Variants in ZBTB20 observed in about 807,000 individuals in gnomAD.
ZBTB20 encodes the protein zinc finger and BTB domain-containing protein 20.
ZBTB20 carries 9 observed loss-of-function variants against 56.9 expected under a neutral mutation model. That is an observed-to-expected ratio of 0.16 (90% CI 0.10 to 0.28). The LOEUF is 0.28. ZBTB20 is among the 10% of genes least tolerant of loss of function. The pLI is 1.00. For synonymous variants in ZBTB20, 417 were observed against 420.7 expected, an observed-to-expected ratio of 0.99 and a Z score of 0.11; for missense variants, 655 against 1,003.0, an observed-to-expected ratio of 0.65 and a Z score of 4.69.
chr3:114,434,541 G>GGGGTGTGTGTGTGTGTGTGTGTGTGT (rs1553711977), intron 7 of ZBTB20, among the ~76,000 whole-genome samples: 2 of 85,736 alleles, frequency 2.3e-5, no homozygotes, highest in African/African-American at 6.6e-5. Flanking sequence ...CTGCAATTGG[G>GGGGTGTGTGTGTGTGTGTGTGTGTGT]GTGTGTGTGT....
In ZBTB20 at chr3:114,699,734, C is replaced by T. The variant is rs940722784; in HGVS notation, c.-342-6159G>A. ...TAATGTAATCGGATTCAGCAACTTC[C>T]TTCAATAAGCATTCTGGCAATATGT... is the stretch of plus-strand genomic sequence containing the variant. On this transcript the variant is annotated intron_variant, in intron 5 of 11. Transcript: ENST00000675478. Among the ~76,000 whole-genome samples the T allele has an allele frequency of 2.0e-5, 3 of 151,996 alleles. No individual in the cohort carries two copies. The East Asian group carries it at 5.8e-4, about 29-fold the overall frequency.
chr3:114,519,786 T>C (rs972836705), intron 6 of ZBTB20: 6 of 152,064 alleles, frequency 3.9e-5, no homozygotes, highest in African/African-American at 1.4e-4. Flanking sequence ...CACAGAGAAG[T>C]CCCAAACAAC....
rs899376615 is a variant in ZBTB20, at chr3:114,380,746, T to G, written c.11+31A>C. 3 of 1,491,992 alleles carry G rather than the reference T, an allele frequency of 2.0e-6. No homozygotes were observed. In the African/African-American group the frequency reaches 4.2e-5, roughly 21 times the overall value. The allele number at this position is 1,491,992 out of a possible 1,614,324, so 92.4% of individuals were successfully genotyped here. A position where few individuals can be genotyped will look rare whatever the true frequency, so the allele number is the denominator to read the frequency against. On this transcript the variant is annotated intron_variant, in intron 9 of 11. Transcript: ENST00000675478. ...TCTTCCCCCCTTAGGAGTTTTAACA[T>G]GGTCTGGAAAAATACTAGTGGAAGT...
Position 114,815,149 on chromosome 3 carries a change from A to G in ZBTB20, c.-416-13975T>C, listed in dbSNP as rs538317425. On this transcript the variant is annotated intron_variant, in intron 4 of 11. Transcript: ENST00000675478. The stretch of plus-strand genomic sequence containing the variant: ...ATAGAATGTTAACAAGTTCGGAGAC[A>G]TGGATTATTTGTACAATAAAATACT... Among the ~76,000 whole-genome samples the G allele has an allele frequency of 3.3e-5, 5 of 152,356 alleles. No individual in the cohort carries two copies. In the South Asian group the frequency reaches 1.0e-3, roughly 32 times the overall value.
At chr3:114,813,153 C>T (rs565411539) in intron 4 of ZBTB20, among the ~76,000 whole-genome samples, 404 of 152,356 alleles carry the variant, frequency 2.7e-3, no homozygotes, top group Non-Finnish European at 4.2e-3. Context: ...AAGTGGGAGC[C>T]CAGGCAGAGG....
At chr3:114,961,830 G>A (rs1444238961) in intron 3 of ZBTB20, among the ~76,000 whole-genome samples, 1 of 152,036 alleles carries the variant, frequency 6.6e-6, no homozygotes, top group Non-Finnish European at 1.5e-5. Flanking sequence ...CACTAATTCT[G>A]TATAAATATG....
intron 1 of ZBTB20, among the ~76,000 whole-genome samples, chr3:115,116,757 A>T (rs977583417): frequency 6.6e-6 from 1 of 152,096 alleles, no homozygotes; most frequent in African/African-American, 2.4e-5. Context: ...AGAGAGCAAG[A>T]GAAAGAGATT....
intron 10 of ZBTB20, among the ~76,000 whole-genome samples, chr3:114,374,800 C>T (rs560818629): frequency 9.2e-4 from 140 of 152,244 alleles, no homozygotes; most frequent in African/African-American, 3.2e-3. Flanking sequence ...TTTTGGCACA[C>T]CAAACAGAGA....
At chr3:115,064,909 A>G (rs1358962367) in intron 2 of ZBTB20, among the ~76,000 whole-genome samples, 1 of 152,108 alleles carries the variant, frequency 6.6e-6, no homozygotes, top group African/African-American at 2.4e-5. Flanking sequence ...AAATTTTCCA[A>G]TTATGCATCT....
chr3:115,086,841 G>A (rs1484361265), intron 1 of ZBTB20, among the ~76,000 whole-genome samples: 1 of 151,798 alleles, frequency 6.6e-6, no homozygotes, highest in Non-Finnish European at 1.5e-5. Flanking sequence ...TGGTAACCGA[G>A]TAAAACTCAC....
intron 7 of ZBTB20, among the ~76,000 whole-genome samples, chr3:114,450,733 A>G (rs1290200653): frequency 6.6e-6 from 1 of 151,988 alleles, no homozygotes; most frequent in Non-Finnish European, 1.5e-5. Context: ...GAGAAGTTTT[A>G]TTTTTCTTTT....
chr3:114,381,883 C>A (rs1223526637), intron 8 of ZBTB20, among the ~76,000 whole-genome samples: 3 of 152,056 alleles, frequency 2.0e-5, no homozygotes, highest in Non-Finnish European at 4.4e-5. Flanking sequence ...ATGGAGGAAG[C>A]CAATACAAGA....
intron 7 of ZBTB20, among the ~76,000 whole-genome samples, chr3:114,493,328 T>C (rs1050133128): frequency 2.6e-5 from 4 of 152,228 alleles, no homozygotes; most frequent in Admixed American, 6.5e-5. Context: ...AAAGCTGCTA[T>C]GTACATTGGT....
intron 6 of ZBTB20, among the ~76,000 whole-genome samples, chr3:114,662,337 C>T (rs1463676260): frequency 3.4e-5 from 5 of 148,536 alleles, no homozygotes; most frequent in Non-Finnish European, 6.0e-5. Flanking sequence ...CAAGTCTTTG[C>T]TATTGTGAAT....
intron 5 of ZBTB20, among the ~76,000 whole-genome samples, chr3:114,743,273 A>G (rs766129175): frequency 7.2e-5 from 11 of 152,106 alleles, no homozygotes; most frequent in Admixed American, 3.3e-4. Context: ...CTCCTTTCAC[A>G]AATGCAATAG....
chr3:114,936,689 G>T (rs909200658), intron 3 of ZBTB20, among the ~76,000 whole-genome samples: 3 of 152,262 alleles, frequency 2.0e-5, no homozygotes, highest in South Asian at 2.1e-4. Flanking sequence ...TGAGATACTA[G>T]TCTTTCACCT....
chr3:115,104,432 G>A (rs2083666120), intron 1 of ZBTB20, among the ~76,000 whole-genome samples: 2 of 152,130 alleles, frequency 1.3e-5, no homozygotes, highest in Admixed American at 1.3e-4. Context: ...GCCAATATTT[G>A]GAAGAAATTA....
intron 10 of ZBTB20, 115 bp from the exon 11 acceptor site, chr3:114,351,993 T>G: frequency 7.5e-7 from 1 of 1,327,500 alleles, no homozygotes; most frequent in Non-Finnish European, 1.0e-6. Context: ...GCACTGCCCT[T>G]ACATACGCAA....
At chr3:114,966,268 A>G (rs1223871122) in intron 3 of ZBTB20, among the ~76,000 whole-genome samples, 1 of 152,116 alleles carries the variant, frequency 6.6e-6, no homozygotes, top group Non-Finnish European at 1.5e-5. Context: ...TCCAGGTTCA[A>G]AGATAAACTT....
Sources: gnomAD v4.1 joint callset for allele counts (sites outside exome capture counted in the v4.1 genomes callset) on GRCh38, gnomAD v4.1.1 for gene constraint, MANE v1.5 for transcripts, NCBI Gene and HGNC (gene_info 2026-07-23, HGNC 2026-07-21) for gene names.